Variants in HOMER2 observed in about 807,000 individuals in gnomAD.
HOMER2 encodes homer protein homolog 2.
In HOMER2, 27 loss-of-function variants were observed where a neutral mutation model predicts 47.0. The observed-to-expected ratio is 0.57, with a 90% CI of 0.42 to 0.79. The LOEUF (loss-of-function observed/expected upper bound fraction) is 0.79, where lower values mean the gene tolerates loss of function less well. Among genes scored for constraint, HOMER2 ranks in the 30% least tolerant of loss-of-function variants. The probability of loss-of-function intolerance (pLI) is 0.00; values close to 1 mark genes in which losing one functional copy is unlikely to be tolerated. For missense variants in HOMER2, 443 were observed against 435.0 expected (o/e 1.02, Z -0.16); for synonymous variants, 161 against 163.8 (o/e 0.98, Z 0.13).
intron 1 of HOMER2, among the ~76,000 whole-genome samples, chr15:82,934,482 C>T (rs1035431052): frequency 4.6e-5 from 7 of 152,146 alleles, no homozygotes; most frequent in East Asian, 1.9e-4. Flanking sequence ...CCTTGCTTCC[C>T]GCCCACACCA....
At chr15:82,878,382 G>C (rs960091125) in intron 2 of HOMER2, among the ~76,000 whole-genome samples, 2 of 152,134 alleles carry the variant, frequency 1.3e-5, no homozygotes, top group Admixed American at 1.3e-4. Context: ...ACAAGGTCAA[G>C]GGACCTGTTC....
At chr15:82,910,679 G>C (rs895807195) in intron 1 of HOMER2, among the ~76,000 whole-genome samples, 15 of 152,196 alleles carry the variant, frequency 9.9e-5, no homozygotes, top group African/African-American at 3.1e-4. Flanking sequence ...CAGATAAGGA[G>C]TTTGCCTCGG....
chr15:82,984,268 A>G (rs2030508584), intron 1 of HOMER2, among the ~76,000 whole-genome samples: 1 of 150,722 alleles, frequency 6.6e-6, no homozygotes, highest in Admixed American at 6.6e-5. Context: ...TCCTGACCTC[A>G]TGATCCACCC....
At chr15:82,896,064 C>T (rs1305994265) in intron 1 of HOMER2, among the ~76,000 whole-genome samples, 1 of 152,146 alleles carries the variant, frequency 6.6e-6, no homozygotes, top group East Asian at 1.9e-4. Context: ...AGAAAGTTCT[C>T]CCACAGCTGT....
At chr15:82,878,211 G>T (rs1359612663) in intron 2 of HOMER2, among the ~76,000 whole-genome samples, 1 of 152,194 alleles carries the variant, frequency 6.6e-6, no homozygotes, top group Non-Finnish European at 1.5e-5. Flanking sequence ...CCAGAGTATA[G>T]GATATGGCTC....
intron 1 of HOMER2, chr15:82,952,167 G>A (rs1443802695): frequency 2.1e-6 from 1 of 475,418 alleles, no homozygotes; most frequent in Admixed American, 6.4e-5. Context: ...ACGACAAACT[G>A]CTTAGACTCA....
At chr15:82,920,931 C>T (rs1263740849) in intron 1 of HOMER2, among the ~76,000 whole-genome samples, 4 of 151,154 alleles carry the variant, frequency 2.6e-5, no homozygotes, top group Non-Finnish European at 5.9e-5. Context: ...AATCCTCTTA[C>T]TTCAGCCTCC....
chr15:82,873,913 G>A (rs1467485191), intron 3 of HOMER2, among the ~76,000 whole-genome samples: 1 of 152,226 alleles, frequency 6.6e-6, no homozygotes, highest in Non-Finnish European at 1.5e-5. Flanking sequence ...ATATATGTGA[G>A]TATACACACA....
chr15:82,924,644 C>T (rs921581778), intron 1 of HOMER2, among the ~76,000 whole-genome samples: 8 of 152,118 alleles, frequency 5.3e-5, no homozygotes, highest in Non-Finnish European at 7.3e-5. Context: ...TGCTAAGATC[C>T]GCTCCCCGCA....
intron 1 of HOMER2, among the ~76,000 whole-genome samples, chr15:82,941,419 G>T (rs1461015328): frequency 6.8e-6 from 1 of 146,408 alleles, no homozygotes; most frequent in Admixed American, 6.8e-5. Context: ...CTCTAGCCTG[G>T]GCGACAGAGT....
At chr15:82,889,000 CCTCCTG>C (rs1282922329) in intron 2 of HOMER2, among the ~76,000 whole-genome samples, 6 of 152,330 alleles carry the variant, frequency 3.9e-5, no homozygotes, top group South Asian at 2.1e-4. Context: ...CCCACAACAG[CCTCCTG>C]CTTTGAGAGG....
chr15:82,874,418 A>G (rs1229502027), intron 3 of HOMER2, among the ~76,000 whole-genome samples: 2 of 152,198 alleles, frequency 1.3e-5, no homozygotes, highest in African/African-American at 4.8e-5. Flanking sequence ...CCACCCTAAA[A>G]GGAAATGTAG....
intron 1 of HOMER2, among the ~76,000 whole-genome samples, chr15:82,948,592 T>G (rs2054433950): frequency 6.6e-6 from 1 of 152,064 alleles, no homozygotes; most frequent in African/African-American, 2.4e-5. Context: ...GGGGCTGGGT[T>G]AGATAGTTCT....
intron 1 of HOMER2, among the ~76,000 whole-genome samples, chr15:82,946,319 G>A (rs912843833): frequency 2.0e-5 from 3 of 152,128 alleles, no homozygotes; most frequent in East Asian, 1.9e-4. Context: ...AGTTTCCAAC[G>A]AGAATGATGG....
At chr15:82,853,644 A>G (rs962419504) in intron 6 of HOMER2, among the ~76,000 whole-genome samples, 4 of 152,168 alleles carry the variant, frequency 2.6e-5, no homozygotes, top group African/African-American at 9.7e-5. Flanking sequence ...TAGTGGGAGG[A>G]TTAACCATGA....
Position 82,849,725 on chromosome 15 carries a change from GTGC to G in HOMER2, c.1019_1021del (p.Gly340_Thr341delinsAla). ...GGGCCTCGGCCAGCCCTAGTTATCG[GTGC>G]CCAGCTTGGAGAGCCCTCGGCGGAA... On this transcript the variant is annotated inframe_deletion, in exon 9 of 9. Coordinates refer to ENST00000450735, the MANE Select transcript of HOMER2 (RefSeq NM_004839.4). The G allele has an allele frequency of 6.2e-7, 1 of 1,613,112 alleles. No homozygotes were observed. Among genetic ancestry groups the G allele is most frequent in the South Asian group, 1.1e-5 (1 of 90,934 alleles).
chr15:82,864,671 C>G (rs2051907025), intron 3 of HOMER2, among the ~76,000 whole-genome samples: 1 of 152,112 alleles, frequency 6.6e-6, no homozygotes. Context: ...TAAAGTACTT[C>G]AAAAACAATA....
At chr15:82,841,352 T>A (rs1414487810) in exon 2 of HOMER2, 2 of 152,158 alleles carry the variant, frequency 1.3e-5, no homozygotes, top group Admixed American at 6.5e-5. Flanking sequence ...AGCCAGTTGA[T>A]CATCTTGACA....
downstream of HOMER2, chr15:82,835,496 T>C: frequency 6.6e-6 from 1 of 152,346 alleles, no homozygotes; most frequent in Non-Finnish European, 1.5e-5. Context: ...GGGGCGTGAG[T>C]CCCTTTCAGC....
Sources: gnomAD v4.1 joint callset for allele counts (sites outside exome capture counted in the v4.1 genomes callset) on GRCh38, gnomAD v4.1.1 for gene constraint, MANE v1.5 for transcripts, NCBI Gene and HGNC (gene_info 2026-07-23, HGNC 2026-07-21) for gene names.